Variants in TLK2 observed in about 807,000 individuals in gnomAD.
TLK2 encodes serine/threonine-protein kinase tousled-like 2.
In TLK2, 6 loss-of-function variants were observed where a neutral mutation model predicts 117.3. The observed-to-expected ratio is 0.05, with a 90% confidence interval of 0.03 to 0.10. TLK2 has a LOEUF of 0.10. Among genes scored for constraint, TLK2 ranks in the 10% least tolerant of loss-of-function variants. TLK2 has a pLI of 1.00. For synonymous variants in TLK2, 257 were observed against 316.7 expected, an observed-to-expected ratio of 0.81 and a Z score of 2.00; for missense variants, 299 against 901.2, an observed-to-expected ratio of 0.33 and a Z score of 8.56.
chr17:62,510,757 G>A (rs911444141), intron 2 of TLK2, among the ~76,000 whole-genome samples: 1 of 151,984 alleles, frequency 6.6e-6, no homozygotes, highest in African/African-American at 2.4e-5. Context: ...ATGGATTTAC[G>A]CTTCTATCTC....
chr17:62,603,949 A>G (rs920085839), intron 19 of TLK2, among the ~76,000 whole-genome samples: 25 of 151,882 alleles, frequency 1.6e-4, no homozygotes, highest in Middle Eastern at 3.4e-3. Context: ...TACTGGTTAC[A>G]GAATTCTTCT....
chr17:62,583,676 C>G (rs1256811483), intron 15 of TLK2, among the ~76,000 whole-genome samples: 2 of 152,076 alleles, frequency 1.3e-5, no homozygotes, highest in African/African-American at 4.8e-5. Flanking sequence ...CTCCCGGGTT[C>G]AAGTGATTCT....
At chr17:62,592,638 G>T (rs1012647536) in intron 16 of TLK2, among the ~76,000 whole-genome samples, 49 of 152,146 alleles carry the variant, frequency 3.2e-4, no homozygotes, top group Admixed American at 6.5e-5. Context: ...AGCCTTTTTG[G>T]CACCAGCGAC....
chr17:62,534,912 A>G (rs940989431), intron 6 of TLK2, among the ~76,000 whole-genome samples: 1 of 115,850 alleles, frequency 8.6e-6, no homozygotes, highest in African/African-American at 3.4e-5. Context: ...TTTTGGAGAT[A>G]GAGTCGCTCT....
intron 2 of TLK2, among the ~76,000 whole-genome samples, chr17:62,507,101 C>G (rs900730710): frequency 3.9e-5 from 6 of 151,956 alleles, no homozygotes; most frequent in African/African-American, 1.5e-4. Flanking sequence ...AGTGTTTTGT[C>G]ACTTATTGAA....
intron 16 of TLK2, among the ~76,000 whole-genome samples, chr17:62,586,647 C>G (rs1395499303): frequency 1.3e-5 from 2 of 152,000 alleles, no homozygotes; most frequent in African/African-American, 4.8e-5. Flanking sequence ...CGGTGAAACC[C>G]CGTCTCTACT....
At chr17:62,584,464 A>G (rs970840940) in intron 15 of TLK2, among the ~76,000 whole-genome samples, 40 of 152,164 alleles carry the variant, frequency 2.6e-4, no homozygotes, top group Non-Finnish European at 1.3e-4. Context: ...CTGTGAAGCC[A>G]TAATGGTATT....
chr17:62,491,510 G>C (rs1195652994), intron 2 of TLK2, among the ~76,000 whole-genome samples: 1 of 152,016 alleles, frequency 6.6e-6, no homozygotes, highest in Admixed American at 6.6e-5. Context: ...ACTTGATCCT[G>C]GCTACTACTA....
chr17:62,573,442 A>G (rs1343200908), intron 12 of TLK2, 75 bp downstream of exon 12: 2 of 1,561,014 alleles, frequency 1.3e-6, no homozygotes, highest in Non-Finnish European at 1.7e-6. Context: ...GTCACCGGCA[A>G]TAGTTTTAAA....
intron 2 of TLK2, among the ~76,000 whole-genome samples, chr17:62,496,814 G>A (rs1463740600): frequency 6.6e-6 from 1 of 151,894 alleles, no homozygotes; most frequent in Admixed American, 6.6e-5. Flanking sequence ...AAAATTAGCT[G>A]GGCATGGTGG....
intron 16 of TLK2, among the ~76,000 whole-genome samples, chr17:62,594,968 G>A (rs140499947): frequency 6.6e-6 from 1 of 152,100 alleles, no homozygotes; most frequent in African/African-American, 2.4e-5. Context: ...ACCAGGAATT[G>A]ATTTTTTTTT....
At chr17:62,566,510 G>T (rs2079808156) in intron 11 of TLK2, among the ~76,000 whole-genome samples, 1 of 152,090 alleles carries the variant, frequency 6.6e-6, no homozygotes, top group South Asian at 2.1e-4. Flanking sequence ...TGTGTGAAGA[G>T]GCTTTCAAGT....
chr17:62,488,819 GA>G lies in TLK2; in HGVS notation c.81+7614del, dbSNP rs1489801491. The stretch of plus-strand genomic sequence containing the variant: ...TCTTGGTCAGTACGAGGGCCTTGAA[GA>G]TTTTTTTTTTTTTTTTTTTTTTTGA... On this transcript the variant is annotated intron_variant, in intron 2 of 21. Transcript: ENST00000346027. Among the ~76,000 whole-genome samples the G allele has an allele frequency of 1.6e-3, 221 of 134,156 alleles. 1 individual carries two copies. The highest frequency in any genetic ancestry group is 5.8e-3 in the African/African-American group (210 of 36,254). 88.0% of individuals were successfully genotyped at this position (134,156 alleles called of 152,430 possible). A position where few individuals can be genotyped will look rare whatever the true frequency, so the allele number is the denominator to read the frequency against.
chr17:62,583,836 C>T (rs1203370489), intron 15 of TLK2, among the ~76,000 whole-genome samples: 1 of 152,122 alleles, frequency 6.6e-6, no homozygotes, highest in East Asian at 1.9e-4. Context: ...CTCGGCCTCC[C>T]AAAGTGCTGG....
upstream of TLK2, among the ~76,000 whole-genome samples, chr17:62,474,654 C>T (rs143246997): frequency 2.0e-4 from 30 of 151,796 alleles, no homozygotes; most frequent in African/African-American, 7.0e-4. Context: ...GTGATCTGCC[C>T]GCCTCGGCCT....
chr17:62,520,520 T>TA (rs2075963853), intron 2 of TLK2, among the ~76,000 whole-genome samples: 1 of 151,220 alleles, frequency 6.6e-6, no homozygotes, highest in Non-Finnish European at 1.5e-5. Context: ...CTACTAAAAA[T>TA]ACAAAAATCA....
intron 2 of TLK2, among the ~76,000 whole-genome samples, chr17:62,510,701 C>CT (rs2075078240): frequency 2.0e-5 from 3 of 152,158 alleles, no homozygotes; most frequent in Admixed American, 2.0e-4. Context: ...CACTTGCTCT[C>CT]TCTCATTCTT....
intron 7 of TLK2, among the ~76,000 whole-genome samples, chr17:62,541,683 C>A (rs2077545420): frequency 6.6e-6 from 1 of 152,106 alleles, no homozygotes; most frequent in Admixed American, 6.5e-5. Flanking sequence ...CAGGTGCAAT[C>A]ATAGCATTAT....
chr17:62,589,841 C>G (rs2081939319), intron 16 of TLK2, among the ~76,000 whole-genome samples: 1 of 151,988 alleles, frequency 6.6e-6, no homozygotes, highest in Non-Finnish European at 1.5e-5. Context: ...GAGTCTCACT[C>G]TGTTGCCCAG....
Sources: gnomAD v4.1 joint callset for allele counts (sites outside exome capture counted in the v4.1 genomes callset) on GRCh38, gnomAD v4.1.1 for gene constraint, MANE v1.5 for transcripts, NCBI Gene and HGNC (gene_info 2026-07-23, HGNC 2026-07-21) for gene names.